RAP1B: variants seen among roughly 807,000 people sequenced by gnomAD.
The protein encoded by RAP1B is RAP1B, member of RAS oncogene family, also known as ras-related protein Rap-1b.
In RAP1B, 1 loss-of-function variant was observed where a neutral mutation model predicts 27.5. The ratio of observed to expected loss-of-function variants is 0.04; its 90% confidence interval spans 0.01 to 0.17. RAP1B has a LOEUF of 0.17. RAP1B is among the 10% of genes least tolerant of loss of function. The probability of loss-of-function intolerance (pLI) is 1.00; values close to 1 mark genes in which losing one functional copy is unlikely to be tolerated. For missense variants in RAP1B, 84 were observed against 214.8 expected (o/e 0.39, Z 3.81); for synonymous variants, 75 against 73.1 (o/e 1.03, Z -0.13).
At position 68,661,451 on chromosome 12, in the gene RAP1B, T is replaced by C. The variant is rs1195128841; in HGVS notation, c.*2202T>C. On this transcript the variant is annotated 3_prime_UTR_variant, in exon 8 of 8. Transcript: ENST00000250559. ...CAAATTAAGTACTTAAGTATAAAAA[T>C]TGTTCTAGGCCTAAGGATGTAGCAG... 6.6e-6 allele frequency: 1 copy of C among 152,128 alleles called. No homozygotes were observed. The highest frequency in any genetic ancestry group is 1.5e-5 in the Non-Finnish European group (1 of 68,032). 9.4% of individuals were successfully genotyped at this position (152,128 alleles called of 1,614,324 possible). A position where few individuals can be genotyped will look rare whatever the true frequency, so the allele number is the denominator to read the frequency against.
At chr12:68,651,767 G>C (rs1019867739) in intron 3 of RAP1B, 17 of 479,052 alleles carry the variant, frequency 3.5e-5, no homozygotes, top group Non-Finnish European at 3.8e-6. Context: ...GTTTCCCTGT[G>C]TTGACTTGAG....
intron 1 of RAP1B, among the ~76,000 whole-genome samples, chr12:68,621,684 C>A (rs1022482023): frequency 2.0e-5 from 3 of 152,186 alleles, no homozygotes; most frequent in African/African-American, 7.2e-5. Flanking sequence ...CAATTCACTT[C>A]ACAGTTCTGG....
chr12:68,634,745 C>T (rs1051942061), intron 1 of RAP1B, among the ~76,000 whole-genome samples: 2 of 152,028 alleles, frequency 1.3e-5, no homozygotes, highest in African/African-American at 2.4e-5. Flanking sequence ...CTGTATTCTA[C>T]CATACATGAT....
intron 3 of RAP1B, among the ~76,000 whole-genome samples, chr12:68,651,318 C>T (rs1779521492): frequency 6.6e-6 from 1 of 151,448 alleles, no homozygotes; most frequent in Non-Finnish European, 1.5e-5. Flanking sequence ...ATGAAGCAGC[C>T]AACCTGGCCC....
At chr12:68,654,308 TAA>T in intron 5 of RAP1B, 56 bp downstream of exon 5, 2 of 954,852 alleles carry the variant, frequency 2.1e-6, no homozygotes, top group Non-Finnish European at 2.7e-6. Context: ...TATAATTGTT[TAA>T]GTCTAAATTT....
rs965799966 is a variant in RAP1B at position 68,664,203 on chromosome 12, G to A, written c.*4954G>A. 3.9e-5 allele frequency: 6 copies of A among 152,068 alleles called. No individual in the cohort carries two copies. Among genetic ancestry groups the A allele is most frequent in the Non-Finnish European group, 8.8e-5 (6 of 68,036 alleles). 9.4% of individuals were successfully genotyped at this position (152,068 alleles called of 1,614,324 possible). A position where few individuals can be genotyped will look rare whatever the true frequency, so the allele number is the denominator to read the frequency against. On this transcript the variant is annotated 3_prime_UTR_variant, in exon 8 of 8. Transcript: ENST00000250559. The stretch of plus-strand genomic sequence containing the variant: ...TTTATGTAATAATATATTCACTTCA[G>A]TCAGGTTTCAGTTTTTAAATAGGCA...
At chr12:68,622,377 T>A (rs1028912285) in intron 1 of RAP1B, among the ~76,000 whole-genome samples, 3 of 152,196 alleles carry the variant, frequency 2.0e-5, no homozygotes, top group Non-Finnish European at 4.4e-5. Flanking sequence ...TGTAATACCC[T>A]CCGGTCCCAA....
rs1393604875 is a variant in RAP1B, at chr12:68,661,430, T to C, written c.*2181T>C. The stretch of plus-strand genomic sequence containing the variant: ...GCTAAATATTCATTCATTGGACAAA[T>C]TAAGTACTTAAGTATAAAAATTGTT... On this transcript the variant is annotated 3_prime_UTR_variant, in exon 8 of 8. Coordinates refer to ENST00000250559, the MANE Select transcript of RAP1B (RefSeq NM_001010942.3). The C allele has an allele frequency of 6.6e-6, 1 of 152,084 alleles. No homozygotes were observed. The highest frequency in any genetic ancestry group is 1.9e-4 in the East Asian group (1 of 5,198). The allele number at this position is 152,084 out of a possible 1,614,324, so 9.4% of individuals were successfully genotyped here. A position where few individuals can be genotyped will look rare whatever the true frequency, so the allele number is the denominator to read the frequency against.
chr12:68,647,368 G>GC (rs1592458443), intron 1 of RAP1B, among the ~76,000 whole-genome samples: 5 of 44,762 alleles, frequency 1.1e-4, no homozygotes, highest in Non-Finnish European at 2.0e-4. Flanking sequence ...CCCTGTCCCT[G>GC]CCCCCCACTC....
rs1870513514 is a variant in RAP1B, at chr12:68,610,935, A to G, written c.-135A>G. On this transcript the variant is annotated 5_prime_UTR_variant, in exon 1 of 8. Coordinates refer to ENST00000250559, the MANE Select transcript of RAP1B (RefSeq NM_001010942.3). Reference sequence around the variant, plus strand: ...ACCTCGCCCAGATTCAGGCGTGTAAACCAGCCGGAGCGGCGCGGCAGCGGC... The same window carrying G: ...ACCTCGCCCAGATTCAGGCGTGTAAGCCAGCCGGAGCGGCGCGGCAGCGGC... The G allele has an allele frequency of 6.5e-6, 2 of 308,338 alleles. No individual in the cohort carries two copies. The highest frequency in any genetic ancestry group is 2.2e-5 in the African/African-American group (1 of 44,990). 19.1% of individuals were successfully genotyped at this position (308,338 alleles called of 1,614,324 possible).
intron 6 of RAP1B, 58 bp from the exon 7 acceptor site, chr12:68,657,043 T>C (rs1874254116): frequency 7.2e-7 from 1 of 1,387,834 alleles, no homozygotes; most frequent in African/African-American, 1.5e-5. Context: ...ATTTACTTTT[T>C]TCATTGGGGG....
rs771632537 is a variant in RAP1B at position 68,657,235 on chromosome 12, T to A, written c.*30+18T>A. ...TGAGCCAGGTATGTTCACTTATCTTTCCTCTAACTTTTAATCACTCAACCT... is the reference window on the plus strand; with the variant it reads ...TGAGCCAGGTATGTTCACTTATCTTACCTCTAACTTTTAATCACTCAACCT... On this transcript the variant is annotated intron_variant, in intron 7 of 7. Coordinates refer to ENST00000250559, the MANE Select transcript of RAP1B (RefSeq NM_001010942.3). 4 of 1,497,126 alleles carry A rather than the reference T, an allele frequency of 2.7e-6. No individual in the cohort carries two copies. The highest frequency in any genetic ancestry group is 3.7e-6 in the Non-Finnish European group (4 of 1,078,150). 92.7% of individuals were successfully genotyped at this position (1,497,126 alleles called of 1,614,324 possible).
chr12:68,638,807 T>C (rs906788965), intron 1 of RAP1B, among the ~76,000 whole-genome samples: 3 of 152,014 alleles, frequency 2.0e-5, no homozygotes, highest in Non-Finnish European at 4.4e-5. Context: ...ATTACAGGCA[T>C]GCACCACCAA....
At chr12:68,620,678 G>A (rs1188974693) in intron 1 of RAP1B, among the ~76,000 whole-genome samples, 1 of 149,820 alleles carries the variant, frequency 6.7e-6, no homozygotes, top group Non-Finnish European at 1.5e-5. Context: ...ACGACTCACT[G>A]AAGTCTCGAC....
At chr12:68,644,983 G>C (rs1038520432) in intron 1 of RAP1B, among the ~76,000 whole-genome samples, 6 of 152,130 alleles carry the variant, frequency 3.9e-5, no homozygotes, top group Non-Finnish European at 7.4e-5. Flanking sequence ...ACAGGCGTGA[G>C]CCACCACGCC....
At chr12:68,655,535 C>CTTTTTTTTT (rs35350174) in intron 5 of RAP1B, among the ~76,000 whole-genome samples, 1 of 125,600 alleles carries the variant, frequency 8.0e-6, no homozygotes, top group African/African-American at 3.0e-5. Flanking sequence ...TTTTGATTGG[C>CTTTTTTTTT]TTTTTTTTTT....
At position 68,663,002 on chromosome 12, in the gene RAP1B, A is replaced by G. The variant is rs1231332689; in HGVS notation, c.*3753A>G. On this transcript the variant is annotated 3_prime_UTR_variant, in exon 8 of 8. Coordinates refer to ENST00000250559, the MANE Select transcript of RAP1B (RefSeq NM_001010942.3). ...TGAGACCCTGTCTTAGAAAAAAAAG[A>G]TAAATAAGTCTGTTCTATTTGTTAC... The G allele has an allele frequency of 6.6e-6, 1 of 151,838 alleles. No homozygotes were observed. Among genetic ancestry groups the G allele is most frequent in the East Asian group, 1.9e-4 (1 of 5,194 alleles). The allele number at this position is 151,838 out of a possible 1,614,324, so 9.4% of individuals were successfully genotyped here.
chr12:68,651,273 TA>T (rs1184582379), intron 3 of RAP1B, among the ~76,000 whole-genome samples: 5 of 152,208 alleles, frequency 3.3e-5, no homozygotes, highest in African/African-American at 1.2e-4. Flanking sequence ...TAGACATTTT[TA>T]ACTTAGTAGG....
At chr12:68,619,677 T>C (rs1871260611) in intron 1 of RAP1B, among the ~76,000 whole-genome samples, 2 of 152,236 alleles carry the variant, frequency 1.3e-5, no homozygotes, top group Non-Finnish European at 2.9e-5. Flanking sequence ...CATGCTTTGC[T>C]CTCAGTGTTT....
Sources: allele counts gnomAD v4.1 joint callset (sites outside exome capture counted in the v4.1 genomes callset), GRCh38; gene constraint gnomAD v4.1.1; transcripts MANE v1.5; gene names NCBI Gene and HGNC (gene_info 2026-07-23, HGNC 2026-07-21).